Variants in MACROD2 observed in about 807,000 individuals in gnomAD.
MACROD2 encodes the protein mono-ADP ribosylhydrolase 2.
MACROD2 carries 36 observed loss-of-function variants against 70.4 expected under a neutral mutation model. That is an observed-to-expected ratio of 0.51 (90% confidence interval 0.39 to 0.68). The LOEUF (loss-of-function observed/expected upper bound fraction) is 0.68. Ranked by LOEUF, MACROD2 falls within the 30% of genes least tolerant of loss-of-function variation. The pLI, the probability that MACROD2 is intolerant of heterozygous loss-of-function variation, is 0.00. For synonymous variants in MACROD2, 172 were observed against 178.8 expected, an observed-to-expected ratio of 0.96 and a Z score of 0.30; for missense variants, 496 against 538.4, an observed-to-expected ratio of 0.92 and a Z score of 0.78.
rs188073972 is a variant in MACROD2, at chr20:14,663,811, A to G, written c.302-21032A>G. Among the ~76,000 whole-genome samples, 6 of 152,202 alleles carry G rather than the reference A, an allele frequency of 3.9e-5. No individual in the cohort carries two copies. The East Asian group carries it at 1.2e-3, about 29-fold the overall frequency. ...TTTACATCATGGCATTTAGCTTTAC[A>G]GTTAAACTATTTGTACAAACTCTTG... On this transcript the variant is annotated intron_variant, in intron 4 of 17. Coordinates refer to ENST00000684519, the MANE Select transcript of MACROD2 (RefSeq NM_001351661.2).
At chr20:15,658,093 G>A (rs2049758795) in intron 8 of MACROD2, among the ~76,000 whole-genome samples, 1 of 152,084 alleles carries the variant, frequency 6.6e-6, no homozygotes, top group Non-Finnish European at 1.5e-5. Flanking sequence ...GGAGCTAATA[G>A]CAGAGCTTGT....
At chr20:14,812,964 T>G (rs951288605) in intron 5 of MACROD2, among the ~76,000 whole-genome samples, 3 of 152,088 alleles carry the variant, frequency 2.0e-5, no homozygotes, top group African/African-American at 7.2e-5. Flanking sequence ...CAAAACCTCC[T>G]TCTCAGGTTT....
intron 5 of MACROD2, among the ~76,000 whole-genome samples, chr20:14,830,848 C>T (rs2072956581): frequency 1.3e-5 from 2 of 152,040 alleles, no homozygotes; most frequent in South Asian, 4.1e-4. Context: ...TAAATCAGAC[C>T]CACAATACCA....
intron 5 of MACROD2, among the ~76,000 whole-genome samples, chr20:15,088,505 ATG>A (rs2123157433): frequency 6.8e-6 from 1 of 146,168 alleles, no homozygotes; most frequent in South Asian, 2.2e-4. Context: ...CTACTGAGAA[ATG>A]TGAGGTTATT....
At chr20:15,639,611 GC>G (rs1161798414) in intron 8 of MACROD2, among the ~76,000 whole-genome samples, 3 of 152,164 alleles carry the variant, frequency 2.0e-5, no homozygotes, top group African/African-American at 7.2e-5. Flanking sequence ...TAGTAGACCA[GC>G]CAGAGCCAGC....
At chr20:15,222,340 G>T (rs935584856) in intron 5 of MACROD2, among the ~76,000 whole-genome samples, 3 of 152,176 alleles carry the variant, frequency 2.0e-5, no homozygotes, top group Non-Finnish European at 2.9e-5. Context: ...TTCGAAATGT[G>T]TATATGAAAA....
chr20:15,102,642 G>C (rs1301078107), intron 5 of MACROD2, among the ~76,000 whole-genome samples: 2 of 152,042 alleles, frequency 1.3e-5, no homozygotes, highest in African/African-American at 4.8e-5. Context: ...GTATGTGTGT[G>C]CATGTGAACA....
At chr20:14,013,191 C>G (rs2052937374) in intron 2 of MACROD2, among the ~76,000 whole-genome samples, 1 of 151,082 alleles carries the variant, frequency 6.6e-6, no homozygotes, top group African/African-American at 2.4e-5. Context: ...AAAAAATGTT[C>G]CAATATATTT....
intron 5 of MACROD2, among the ~76,000 whole-genome samples, chr20:15,138,069 T>C (rs1041252543): frequency 6.6e-5 from 10 of 152,152 alleles, no homozygotes; most frequent in Non-Finnish European, 1.2e-4. Context: ...AATAATTGAG[T>C]AACCCCTGTT....
intron 3 of MACROD2, among the ~76,000 whole-genome samples, chr20:14,328,239 GGAAA>G (rs2082770354): frequency 6.6e-6 from 1 of 151,950 alleles, no homozygotes; most frequent in Admixed American, 6.6e-5. Flanking sequence ...TTTATTTTTG[GGAAA>G]GAATTACAAA....
intron 5 of MACROD2, among the ~76,000 whole-genome samples, chr20:14,761,988 A>G (rs1007005002): frequency 4.6e-5 from 7 of 152,114 alleles, no homozygotes; most frequent in Non-Finnish European, 1.5e-5. Flanking sequence ...CATACTAGGT[A>G]GATTTATGTG....
intron 4 of MACROD2, among the ~76,000 whole-genome samples, chr20:14,585,071 A>G (rs1382861903): frequency 6.6e-6 from 1 of 152,166 alleles, no homozygotes; most frequent in Non-Finnish European, 1.5e-5. Context: ...ATTACAGCTA[A>G]GGATCATAGT....
At chr20:15,949,949 C>T (rs571821918) in intron 12 of MACROD2, among the ~76,000 whole-genome samples, 1 of 152,230 alleles carries the variant, frequency 6.6e-6, no homozygotes, top group South Asian at 2.1e-4. Flanking sequence ...ATATCTCTGA[C>T]TCATATTTTT....
chr20:14,244,855 C>T (rs2081956744), intron 3 of MACROD2, among the ~76,000 whole-genome samples: 2 of 152,160 alleles, frequency 1.3e-5, no homozygotes, highest in African/African-American at 4.8e-5. Context: ...AAAGATTAAT[C>T]TGGTTACTAG....
chr20:15,328,373 C>CT (rs1040032312), intron 6 of MACROD2, among the ~76,000 whole-genome samples: 2 of 151,968 alleles, frequency 1.3e-5, no homozygotes, highest in African/African-American at 4.8e-5. Flanking sequence ...GACTTTTACT[C>CT]TGAGTGAAAC....
chr20:15,317,186 A>C (rs929641744), intron 6 of MACROD2, among the ~76,000 whole-genome samples: 1 of 152,070 alleles, frequency 6.6e-6, no homozygotes, highest in African/African-American at 2.4e-5. Context: ...CTTGTATTAA[A>C]AAAGGAAATA....
intron 3 of MACROD2, among the ~76,000 whole-genome samples, chr20:14,490,627 A>G (rs1416544444): frequency 1.3e-5 from 2 of 152,158 alleles, no homozygotes; most frequent in Non-Finnish European, 2.9e-5. Context: ...TAGTGGCATC[A>G]TGTTCATGAA....
intron 5 of MACROD2, among the ~76,000 whole-genome samples, chr20:15,092,371 T>C (rs961369248): frequency 6.7e-6 from 1 of 149,134 alleles, no homozygotes; most frequent in African/African-American, 2.4e-5. Context: ...CTATAATAAA[T>C]TTTTATAAAG....
intron 5 of MACROD2, among the ~76,000 whole-genome samples, chr20:14,732,000 C>T (rs897008478): frequency 5.3e-5 from 8 of 151,960 alleles, no homozygotes; most frequent in African/African-American, 1.9e-4. Context: ...TTTAAATTCT[C>T]GCTTAATTTC....
Sources: gnomAD v4.1 joint callset for allele counts (sites outside exome capture counted in the v4.1 genomes callset) on GRCh38, gnomAD v4.1.1 for gene constraint, MANE v1.5 for transcripts, NCBI Gene and HGNC (gene_info 2026-07-23, HGNC 2026-07-21) for gene names.